GFI1B: variants seen among roughly 807,000 people sequenced by gnomAD.
The protein encoded by GFI1B is zinc finger protein Gfi-1b.
A neutral mutation model predicts 35.3 loss-of-function variants in GFI1B; 20 were observed. The observed-to-expected ratio is 0.57, with a 90% confidence interval of 0.40 to 0.82. The LOEUF (loss-of-function observed/expected upper bound fraction) is 0.82. GFI1B is among the 40% of genes least tolerant of loss of function. The probability of loss-of-function intolerance (pLI) is 0.00; values close to 1 mark genes in which losing one functional copy is unlikely to be tolerated. For synonymous variants in GFI1B, 178 were observed against 177.6 expected (o/e 1.00, Z -0.02); for missense variants, 430 against 446.3 (o/e 0.96, Z 0.33).
intron 1 of GFI1B, among the ~76,000 whole-genome samples, chr9:132,968,956 A>T (rs1026306401): frequency 4.6e-5 from 7 of 152,064 alleles, no homozygotes; most frequent in African/African-American, 1.7e-4. Flanking sequence ...CTCTGTCCCC[A>T]TTAAATACAA....
chr9:132,959,733 T>G (rs1848337369), intron 1 of GFI1B, among the ~76,000 whole-genome samples: 1 of 152,212 alleles, frequency 6.6e-6, no homozygotes. Context: ...AGCTGTTCCC[T>G]GGCTCTTTCT....
chr9:132,962,067 TACACAC>T (rs145131246), intron 1 of GFI1B, among the ~76,000 whole-genome samples: 6 of 143,894 alleles, frequency 4.2e-5, no homozygotes, highest in African/African-American at 1.0e-4. Context: ...ACCTACACTC[TACACAC>T]ACACACACAC....
chr9:132,949,827 T>G (rs1166548562), intron 1 of GFI1B: 1 of 152,328 alleles, frequency 6.6e-6, no homozygotes, highest in Non-Finnish European at 1.5e-5. Context: ...CCCCTGTATC[T>G]TTTCAATAAA....
rs61469632 is a variant in GFI1B at position 132,986,603 on chromosome 9, T to G, written c.-20-56T>G. 1.0e-4 allele frequency: 86 copies of G among 849,036 alleles called. 1 individual carries two copies. The highest frequency in any genetic ancestry group is 1.1e-4 in the Non-Finnish European group (54 of 505,752). The allele number at this position is 849,036 out of a possible 1,614,324, so 52.6% of individuals were successfully genotyped here. ...TATCTCAGGAGGAGGTTCTGAGATA[T>G]GGAGGGGTATTGTTCTCTTGTCCTT... On this transcript the variant is annotated intron_variant, in intron 1 of 6. Coordinates refer to ENST00000372122, the MANE Select transcript of GFI1B (RefSeq NM_001377304.1).
chr9:132,963,797 A>C (rs1291220512), intron 1 of GFI1B: 1 of 152,208 alleles, frequency 6.6e-6, no homozygotes, highest in Non-Finnish European at 1.5e-5. Flanking sequence ...AGCCTCTCAA[A>C]AAAGTTTAAA....
At chr9:132,978,345 A>G (rs202079560), upstream of GFI1B, among the ~76,000 whole-genome samples, 1 of 146,932 alleles carries the variant, frequency 6.8e-6, no homozygotes. Context: ...GAAAAGAAAG[A>G]AGAAAAAAAC....
intron 1 of GFI1B, among the ~76,000 whole-genome samples, chr9:132,948,690 G>A (rs1848156944): frequency 6.6e-6 from 1 of 152,246 alleles, no homozygotes; most frequent in African/African-American, 2.4e-5. Flanking sequence ...GCCCTCTGCA[G>A]CCCCGGCCTC....
chr9:132,992,454 G>C (rs1451996051), downstream of GFI1B, among the ~76,000 whole-genome samples: 3 of 152,086 alleles, frequency 2.0e-5, no homozygotes, highest in African/African-American at 7.2e-5. Flanking sequence ...GTGACTTCAG[G>C]TGAGTTCCTG....
rs140441387 is a variant in GFI1B at position 132,968,125 on chromosome 9, T to G, written c.-700-4600T>G. On this transcript the variant is annotated intron_variant, in intron 1 of 10. Transcript: ENST00000339463. Reference sequence around the variant, plus strand: ...TTATTTATTTATTTATTTATTTATTTATTTGATTTGAGACAGTGTCTTGCT... The same window carrying G: ...TTATTTATTTATTTATTTATTTATTGATTTGATTTGAGACAGTGTCTTGCT... Among the ~76,000 whole-genome samples, 1,389 of 144,964 alleles carry G rather than the reference T, an allele frequency of 9.6e-3. 23 individuals are homozygous for G. The highest frequency in any genetic ancestry group is 0.033 in the African/African-American group (1,309 of 39,148).
Position 132,989,515 on chromosome 9 carries a change from T to A in GFI1B, c.649-227T>A, listed in dbSNP as rs1292337878. 1.7e-6 allele frequency: 1 copy of A among 602,042 alleles called. No individual in the cohort carries two copies. The highest frequency in any genetic ancestry group is 1.9e-5 in the African/African-American group (1 of 53,864). The allele number at this position is 602,042 out of a possible 1,614,324, so 37.3% of individuals were successfully genotyped here. On this transcript the variant is annotated intron_variant, in intron 5 of 6. Coordinates refer to ENST00000372122, the MANE Select transcript of GFI1B (RefSeq NM_001377304.1). The surrounding 1 kb of genome is among the most constrained non-coding windows in gnomAD (Gnocchi z 6.2). ...GTCCATCAGTCAATCAACGAACATT[T>A]ATTGAGGTTTATTTTGAGCGGGATA... is the stretch of plus-strand genomic sequence containing the variant.
chr9:132,970,768 C>T (rs1276212707), intron 1 of GFI1B, among the ~76,000 whole-genome samples: 1 of 152,224 alleles, frequency 6.6e-6, no homozygotes, highest in African/African-American at 2.4e-5. Context: ...AACAAACTTT[C>T]ATTCGCTCCT....
At chr9:132,949,492 C>G (rs1430444864) in intron 1 of GFI1B, among the ~76,000 whole-genome samples, 1 of 152,064 alleles carries the variant, frequency 6.6e-6, no homozygotes, top group African/African-American at 2.4e-5. Flanking sequence ...AGGATTGCAA[C>G]TTTACACAAC....
chr9:132,950,703 A>C (rs1444176861), intron 1 of GFI1B, among the ~76,000 whole-genome samples: 3 of 147,056 alleles, frequency 2.0e-5, no homozygotes, highest in African/African-American at 2.6e-5. Flanking sequence ...ACACTATACT[A>C]TACACTACAC....
rs186149996 is a variant in GFI1B, at chr9:132,948,443, T to C, written c.-701+2774T>C. Among the ~76,000 whole-genome samples the C allele has an allele frequency of 1.9e-3, 282 of 152,336 alleles. 2 individuals carry two copies. The highest frequency in any genetic ancestry group is 5.4e-3 in the African/African-American group (223 of 41,578). On this transcript the variant is annotated intron_variant, in intron 1 of 10. Transcript: ENST00000339463. ...ACTATTTTGGCCAATGCTAGTTTCATTGGATTTCTGACCCTCATCAACAAA... is the reference window on the plus strand; with the variant it reads ...ACTATTTTGGCCAATGCTAGTTTCACTGGATTTCTGACCCTCATCAACAAA...
intron 1 of GFI1B, among the ~76,000 whole-genome samples, chr9:132,970,495 T>C (rs1164003789): frequency 1.3e-5 from 2 of 152,262 alleles, no homozygotes; most frequent in African/African-American, 2.4e-5. Flanking sequence ...CAGAGTTGCA[T>C]GCATCCATGG....
rs1231106861 is a variant in GFI1B, at chr9:132,961,434, AC to A, written c.-700-11290del. Among the ~76,000 whole-genome samples, 812 of 151,190 alleles carry A rather than the reference AC, an allele frequency of 5.4e-3. 7 individuals carry two copies. Among genetic ancestry groups the A allele is most frequent in the African/African-American group, 0.018 (759 of 41,054 alleles). ...GTCAATTATTTGACAAAAAAAAAAAACAACAGAAAAAAGGCATAAATGGAAA... is the reference window on the plus strand; with the variant it reads ...GTCAATTATTTGACAAAAAAAAAAAAAACAGAAAAAAGGCATAAATGGAAA... On this transcript the variant is annotated intron_variant, in intron 1 of 10. Transcript: ENST00000339463.
intron 1 of GFI1B, among the ~76,000 whole-genome samples, chr9:132,949,160 T>C (rs1458176407): frequency 1.3e-5 from 2 of 152,132 alleles, no homozygotes; most frequent in Admixed American, 1.3e-4. Context: ...TAATTATCCC[T>C]TGGAGGGTGT....
At chr9:132,966,539 A>G (rs1012189642) in intron 1 of GFI1B, among the ~76,000 whole-genome samples, 3 of 152,192 alleles carry the variant, frequency 2.0e-5, no homozygotes, top group African/African-American at 7.2e-5. Flanking sequence ...CAGATAATAA[A>G]TGTAGAAGGA....
chr9:132,960,866 C>T (rs888886834), intron 1 of GFI1B, among the ~76,000 whole-genome samples: 18 of 151,886 alleles, frequency 1.2e-4, no homozygotes, highest in South Asian at 4.1e-4. Context: ...TCTCAAATCC[C>T]TGATCACGCC....
Sources: allele counts gnomAD v4.1 joint callset (sites outside exome capture counted in the v4.1 genomes callset), GRCh38; gene constraint gnomAD v4.1.1; non-coding constraint Gnocchi (gnomAD v3.1); transcripts MANE v1.5; gene names NCBI Gene and HGNC (gene_info 2026-07-23, HGNC 2026-07-21).